Variants in ELAVL4 observed in about 807,000 individuals in gnomAD.
ELAVL4 encodes ELAV like RNA binding protein 4.
ELAVL4 carries 1 observed loss-of-function variant against 35.6 expected under a neutral mutation model. The ratio of observed to expected loss-of-function variants is 0.03; its 90% CI spans 0.01 to 0.13. ELAVL4 has a LOEUF of 0.13. Among genes scored for constraint, ELAVL4 ranks in the 10% least tolerant of loss-of-function variants. The probability of loss-of-function intolerance (pLI) is 1.00; values close to 1 mark genes in which losing one functional copy is unlikely to be tolerated. For missense variants in ELAVL4, 267 were observed against 464.9 expected (o/e 0.57, Z 3.91); for synonymous variants, 156 against 171.0 (o/e 0.91, Z 0.69).
intron 1 of ELAVL4, among the ~76,000 whole-genome samples, chr1:50,110,703 T>C (rs531839539): frequency 6.6e-6 from 1 of 152,268 alleles, no homozygotes; most frequent in Admixed American, 6.5e-5. Flanking sequence ...ATCTTACTTA[T>C]TTTTCCCTAG....
At chr1:50,163,655 G>A (rs192425103) in intron 2 of ELAVL4, among the ~76,000 whole-genome samples, 77 of 152,164 alleles carry the variant, frequency 5.1e-4, no homozygotes, top group Middle Eastern at 3.4e-3. Flanking sequence ...GCAAAATCTC[G>A]TCTCTACTAA....
intron 6 of ELAVL4, 118 bp from the exon 7 acceptor site, chr1:50,200,733 A>G (rs1164909790): frequency 4.6e-6 from 7 of 1,515,288 alleles, no homozygotes; most frequent in Non-Finnish European, 5.3e-6. Context: ...TGAACCCTGA[A>G]GACTCTCCTG....
chr1:50,080,267 G>A (rs538378212), intron 1 of ELAVL4, among the ~76,000 whole-genome samples: 21 of 152,274 alleles, frequency 1.4e-4, no homozygotes, highest in Middle Eastern at 3.4e-3. Flanking sequence ...AGGCTCAGAC[G>A]TCAGAATATC....
At chr1:50,078,142 GTATA>G (rs764094104) in intron 1 of ELAVL4, among the ~76,000 whole-genome samples, 1 of 145,710 alleles carries the variant, frequency 6.9e-6, no homozygotes, top group South Asian at 2.3e-4. Flanking sequence ...GTGTGTGTGT[GTATA>G]TAGTATTTGT....
intron 3 of ELAVL4, among the ~76,000 whole-genome samples, chr1:50,186,799 C>T (rs372636857): frequency 2.0e-5 from 3 of 151,678 alleles, no homozygotes; most frequent in Non-Finnish European, 4.4e-5. Flanking sequence ...ATGGCACAAT[C>T]GGAACTCATT....
At chr1:50,117,869 T>C (rs1324284457) in intron 1 of ELAVL4, among the ~76,000 whole-genome samples, 1 of 152,116 alleles carries the variant, frequency 6.6e-6, no homozygotes, top group African/African-American at 2.4e-5. Context: ...TGTTTTTTTC[T>C]ATATAGACAA....
At chr1:50,075,133 AT>A (rs1184501435) in intron 1 of ELAVL4, among the ~76,000 whole-genome samples, 1 of 152,152 alleles carries the variant, frequency 6.6e-6, no homozygotes, top group Non-Finnish European at 1.5e-5. Context: ...CAGATGGGGA[AT>A]TCCATGTGAG....
chr1:50,144,412 C>A, intron 1 of ELAVL4: 1 of 324,306 alleles, frequency 3.1e-6, no homozygotes, highest in South Asian at 2.8e-5. Flanking sequence ...TAGAATGTAC[C>A]TGTAAAATCT....
intron 1 of ELAVL4, among the ~76,000 whole-genome samples, chr1:50,093,151 G>A (rs780626196): frequency 2.0e-5 from 3 of 152,208 alleles, no homozygotes; most frequent in African/African-American, 4.8e-5. Flanking sequence ...GTTCCAGACA[G>A]AGAGAGAATA....
intron 1 of ELAVL4, among the ~76,000 whole-genome samples, chr1:50,125,241 TA>T (rs200874014): frequency 2.4e-3 from 346 of 146,356 alleles, no homozygotes; most frequent in Admixed American, 4.4e-3. Flanking sequence ...TATCTTTATT[TA>T]AAAAAAAAAA....
intron 1 of ELAVL4, among the ~76,000 whole-genome samples, chr1:50,097,820 C>T (rs1665783932): frequency 6.6e-6 from 1 of 152,142 alleles, no homozygotes; most frequent in South Asian, 2.1e-4. Flanking sequence ...AATTGGCAAA[C>T]ATACATTGAT....
At chr1:50,165,695 CAT>C (rs1438961412) in intron 2 of ELAVL4, among the ~76,000 whole-genome samples, 3 of 145,804 alleles carry the variant, frequency 2.1e-5, no homozygotes, top group Non-Finnish European at 4.5e-5. Context: ...TATATACACA[CAT>C]ATACATATAT....
At chr1:50,159,326 G>C (rs1309049426) in intron 2 of ELAVL4, among the ~76,000 whole-genome samples, 1 of 152,310 alleles carries the variant, frequency 6.6e-6, no homozygotes, top group South Asian at 2.1e-4. Context: ...GTGATTTATT[G>C]GTGGGGCATG....
At chr1:50,081,733 G>A (rs1375346638) in intron 1 of ELAVL4, among the ~76,000 whole-genome samples, 1 of 152,126 alleles carries the variant, frequency 6.6e-6, no homozygotes, top group African/African-American at 2.4e-5. Flanking sequence ...GAATGTGCAG[G>A]TTTGTTACAT....
intron 1 of ELAVL4, among the ~76,000 whole-genome samples, chr1:50,064,280 G>A (rs1392692095): frequency 1.3e-5 from 2 of 152,148 alleles, no homozygotes; most frequent in African/African-American, 4.8e-5. Context: ...ATTTTCTCAA[G>A]TGCAGGTGTT....
At chr1:50,083,920 A>G (rs1179156168) in intron 1 of ELAVL4, among the ~76,000 whole-genome samples, 1 of 152,148 alleles carries the variant, frequency 6.6e-6, no homozygotes, top group Non-Finnish European at 1.5e-5. Flanking sequence ...GAGTTTCTGC[A>G]TTTTGCATAG....
intron 1 of ELAVL4, chr1:50,110,034 T>C: frequency 1.9e-6 from 3 of 1,572,556 alleles, no homozygotes; most frequent in Non-Finnish European, 2.6e-6. Context: ...TGTGCTTGTA[T>C]GTGTGTATGT....
chr1:50,109,148 G>T lies in ELAVL4; in HGVS notation c.-42G>T. The T allele has an allele frequency of 6.3e-7, 1 of 1,599,512 alleles. No individual in the cohort carries two copies. The highest frequency in any genetic ancestry group is 8.5e-7 in the Non-Finnish European group (1 of 1,175,264). On this transcript the variant is annotated 5_prime_UTR_variant, in exon 1 of 7. Transcript: ENST00000371824. ...TCTGAAATCTTTGCAAATTTTAACAGAAGAGTCGAAGCTCTGCGAGACCCA... is the reference window on the plus strand; with the variant it reads ...TCTGAAATCTTTGCAAATTTTAACATAAGAGTCGAAGCTCTGCGAGACCCA...
At chr1:50,111,271 G>A (rs1667033664) in intron 1 of ELAVL4, among the ~76,000 whole-genome samples, 1 of 151,178 alleles carries the variant, frequency 6.6e-6, no homozygotes, top group Non-Finnish European at 1.5e-5. Context: ...CTTTTCCCTG[G>A]TGTGAAATTG....
Sources: allele counts gnomAD v4.1 joint callset (sites outside exome capture counted in the v4.1 genomes callset), GRCh38; gene constraint gnomAD v4.1.1; transcripts MANE v1.5; gene names NCBI Gene and HGNC (gene_info 2026-07-23, HGNC 2026-07-21).